The following TMEM266 variants were observed in gnomAD, a reference collection of about 807,000 sequenced individuals.
The protein encoded by TMEM266 is Hv1 related protein 1.
TMEM266 carries 33 observed loss-of-function variants against 50.5 expected under a neutral mutation model. The ratio of observed to expected loss-of-function variants is 0.65; its 90% CI spans 0.50 to 0.87. The LOEUF (loss-of-function observed/expected upper bound fraction) is 0.87. Among genes scored for constraint, TMEM266 ranks in the 40% least tolerant of loss-of-function variants. TMEM266 has a pLI of 0.00. For missense variants in TMEM266, 655 were observed against 695.1 expected, an observed-to-expected ratio of 0.94 and a Z score of 0.65; for synonymous variants, 310 against 292.3, an observed-to-expected ratio of 1.06 and a Z score of -0.62.
At chr15:76,164,423 GT>G (rs1460081867) in intron 5 of TMEM266, among the ~76,000 whole-genome samples, 1 of 152,094 alleles carries the variant, frequency 6.6e-6, no homozygotes, top group Non-Finnish European at 1.5e-5. Flanking sequence ...GCCCAGGCTG[GT>G]CTCAAACTCC....
chr15:76,142,424 A>G (rs372520553), intron 3 of TMEM266, among the ~76,000 whole-genome samples: 6 of 152,144 alleles, frequency 3.9e-5, no homozygotes, highest in South Asian at 2.1e-4. Flanking sequence ...CCTGCTTTCA[A>G]TGCTTTTGGG....
rs371293875 is a variant in TMEM266 at position 76,148,185 on chromosome 15, C to T, written c.228-8419C>T. Among the ~76,000 whole-genome samples the T allele has an allele frequency of 2.0e-5, 3 of 152,232 alleles. No homozygotes were observed. In the East Asian group the frequency reaches 5.8e-4, roughly 30 times the overall value. On this transcript the variant is annotated intron_variant, in intron 3 of 10. Coordinates refer to ENST00000388942, the MANE Select transcript of TMEM266 (RefSeq NM_152335.3). ...GGAGGAAAGTTTAAATGCGTGGCCA[C>T]GTCCGGCAAGGAAAGTTAGGTGAAT...
At chr15:76,202,903 ATT>A (rs936891736) in intron 10 of TMEM266, among the ~76,000 whole-genome samples, 1 of 151,782 alleles carries the variant, frequency 6.6e-6, no homozygotes, top group Admixed American at 6.6e-5. Context: ...ATGCATTTGA[ATT>A]TTTTGTTTTC....
intron 1 of TMEM266, among the ~76,000 whole-genome samples, chr15:76,120,136 T>C (rs1301702798): frequency 6.6e-6 from 1 of 152,106 alleles, no homozygotes; most frequent in Non-Finnish European, 1.5e-5. Flanking sequence ...TGGGAATCTA[T>C]TCCATGCAAA....
At chr15:76,201,292 G>A (rs1274217463) in intron 9 of TMEM266, among the ~76,000 whole-genome samples, 7 of 152,078 alleles carry the variant, frequency 4.6e-5, no homozygotes, top group Admixed American at 4.6e-4. Flanking sequence ...TGGCTTTTGG[G>A]GTCTTCCAGC....
intron 8 of TMEM266, among the ~76,000 whole-genome samples, chr15:76,177,487 T>C (rs1254365021): frequency 6.6e-6 from 1 of 152,236 alleles, no homozygotes; most frequent in Non-Finnish European, 1.5e-5. Flanking sequence ...GCACACAGTG[T>C]CTTCAGAATC....
rs150951312 is a variant in TMEM266 at position 76,072,885 on chromosome 15, C to A, written c.-97+12869C>A. On this transcript the variant is annotated intron_variant, in intron 1 of 10. Coordinates refer to ENST00000388942, the MANE Select transcript of TMEM266 (RefSeq NM_152335.3). Reference sequence around the variant, plus strand: ...ACTTCTGACCTTGTGATCCACCTGCCTTAGCCTCCCAAAGTGCTGGGATTA... The same window carrying A: ...ACTTCTGACCTTGTGATCCACCTGCATTAGCCTCCCAAAGTGCTGGGATTA... Among the ~76,000 whole-genome samples, 1,357 of 152,088 alleles carry A rather than the reference C, an allele frequency of 8.9e-3. 14 individuals carry two copies. Among genetic ancestry groups the A allele is most frequent in the African/African-American group, 0.031 (1,283 of 41,488 alleles).
intron 2 of TMEM266, among the ~76,000 whole-genome samples, chr15:76,136,669 C>T (rs2037593662): frequency 1.3e-5 from 2 of 152,138 alleles, no homozygotes; most frequent in Admixed American, 6.6e-5. Flanking sequence ...GACTGAGCCC[C>T]TCAGATTCTA....
chr15:76,153,371 C>T lies in TMEM266; in HGVS notation c.228-3233C>T, dbSNP rs1293641119. Among the ~76,000 whole-genome samples, 2 of 152,344 alleles carry T rather than the reference C, an allele frequency of 1.3e-5. No homozygotes were observed. Among genetic ancestry groups the T allele is most frequent in the East Asian group, 3.9e-4 (2 of 5,184 alleles). ...CACGAAGGTGAACAAATGCCCGGCACCTTCCGTGGAACGTGAAGACGAGGC... is the reference window on the plus strand; with the variant it reads ...CACGAAGGTGAACAAATGCCCGGCATCTTCCGTGGAACGTGAAGACGAGGC... On this transcript the variant is annotated intron_variant, in intron 3 of 10. Transcript: ENST00000388942. This position sits in a 1 kb window ranked among gnomAD's most constrained non-coding sequence, Gnocchi z 4.2.
intron 1 of TMEM266, among the ~76,000 whole-genome samples, chr15:76,088,479 C>CT (rs1307076605): frequency 6.6e-6 from 1 of 151,936 alleles, no homozygotes; most frequent in African/African-American, 2.4e-5. Flanking sequence ...AGAGGGAGAC[C>CT]TTGTCTCTAT....
chr15:76,157,998 GTAAA>G (rs71444968), intron 4 of TMEM266, among the ~76,000 whole-genome samples: 35 of 150,500 alleles, frequency 2.3e-4, no homozygotes, highest in African/African-American at 5.9e-4. Context: ...AAATAAATAA[GTAAA>G]TAAATAAATA....
intron 1 of TMEM266, among the ~76,000 whole-genome samples, chr15:76,083,332 T>C (rs992690128): frequency 2.6e-5 from 4 of 151,548 alleles, no homozygotes; most frequent in East Asian, 3.9e-4. Flanking sequence ...ATACTATTAA[T>C]ACCAGTTTTC....
intron 1 of TMEM266, among the ~76,000 whole-genome samples, chr15:76,116,896 CTTTTTTTTTT>C (rs143849730): frequency 7.6e-6 from 1 of 131,662 alleles, no homozygotes; most frequent in Non-Finnish European, 1.7e-5. Context: ...AGCATATCTT[CTTTTTTTTTT>C]TTTTTTTTTT....
At chr15:76,155,003 C>G (rs948315986) in intron 3 of TMEM266, among the ~76,000 whole-genome samples, 3 of 152,234 alleles carry the variant, frequency 2.0e-5, no homozygotes, top group South Asian at 2.1e-4. Flanking sequence ...TCATCATCGT[C>G]GTCATCATCA....
At chr15:76,088,022 C>T (rs1394514866) in intron 1 of TMEM266, among the ~76,000 whole-genome samples, 1 of 152,184 alleles carries the variant, frequency 6.6e-6, no homozygotes, top group East Asian at 1.9e-4. Context: ...TTGAAATTTT[C>T]TCCTAGGCTT....
intron 1 of TMEM266, among the ~76,000 whole-genome samples, chr15:76,119,343 AT>A (rs1274758731): frequency 6.6e-6 from 1 of 150,606 alleles, no homozygotes; most frequent in Non-Finnish European, 1.5e-5. Flanking sequence ...CCAAGGTTTA[AT>A]CTCAAGGTTA....
chr15:76,087,141 G>A (rs985801292), intron 1 of TMEM266, among the ~76,000 whole-genome samples: 1 of 152,056 alleles, frequency 6.6e-6, no homozygotes, highest in African/African-American at 2.4e-5. Flanking sequence ...TGTGTGTATT[G>A]TATATAAATT....
Position 76,192,051 on chromosome 15 carries a change from G to A in TMEM266, c.852G>A (p.Pro284=). 1 of 1,534,428 alleles carries A rather than the reference G, an allele frequency of 6.5e-7. No homozygotes were observed. Among genetic ancestry groups the A allele is most frequent in the Non-Finnish European group, 8.7e-7 (1 of 1,147,608 alleles). ...AGCGCGAAGCGGCGCTCCAGGCCCC[G>A]CACGTGCTCAGCCAGCCGCGCAGCC... The change falls in exon 9 of 11, where the codon CCG becomes CCA. Residue 284 remains proline (P), a synonymous_variant. Transcript: ENST00000388942.
At chr15:76,061,804 C>T (rs953007587) in intron 1 of TMEM266, among the ~76,000 whole-genome samples, 6 of 152,290 alleles carry the variant, frequency 3.9e-5, no homozygotes, top group East Asian at 3.9e-4. Flanking sequence ...TTTCCATTAT[C>T]GCATCCCACC....
Sources: allele counts gnomAD v4.1 joint callset (sites outside exome capture counted in the v4.1 genomes callset), GRCh38; gene constraint gnomAD v4.1.1; non-coding constraint Gnocchi (gnomAD v3.1); transcripts MANE v1.5; gene names NCBI Gene and HGNC (gene_info 2026-07-23, HGNC 2026-07-21).